AMPH: variants seen among roughly 807,000 people sequenced by gnomAD.
AMPH encodes the protein amphiphysin (Stiff-Mann syndrome with breast cancer 128kD autoantigen).
AMPH carries 49 observed loss-of-function variants against 99.1 expected under a neutral mutation model. The observed-to-expected ratio is 0.49, with a 90% confidence interval of 0.39 to 0.63. AMPH has a LOEUF of 0.63. AMPH is among the 20% of genes least tolerant of loss of function. The pLI, the probability that AMPH is intolerant of heterozygous loss-of-function variation, is 0.00. For missense variants in AMPH, 759 were observed against 863.4 expected, an observed-to-expected ratio of 0.88 and a Z score of 1.52; for synonymous variants, 314 against 317.3, an observed-to-expected ratio of 0.99 and a Z score of 0.11.
intron 16 of AMPH, among the ~76,000 whole-genome samples, chr7:38,421,551 A>G (rs1785582022): frequency 6.6e-6 from 1 of 152,246 alleles, no homozygotes; most frequent in African/African-American, 2.4e-5. Flanking sequence ...TGTCTTTGCA[A>G]ATATATCAAA....
intron 1 of AMPH, among the ~76,000 whole-genome samples, chr7:38,566,409 A>T (rs1791745491): frequency 6.6e-6 from 1 of 152,072 alleles, no homozygotes; most frequent in African/African-American, 2.4e-5. Context: ...GTCATTAGTT[A>T]TTAAAATATG....
At chr7:38,614,767 C>T (rs1793815845) in intron 1 of AMPH, among the ~76,000 whole-genome samples, 1 of 152,168 alleles carries the variant, frequency 6.6e-6, no homozygotes, top group African/African-American at 2.4e-5. Context: ...GCCTCTTTCC[C>T]AGATCCCACA....
intron 1 of AMPH, among the ~76,000 whole-genome samples, chr7:38,537,726 C>T (rs1790667598): frequency 1.3e-5 from 2 of 152,166 alleles, no homozygotes; most frequent in South Asian, 2.1e-4. Flanking sequence ...AAGCATCTAA[C>T]GTAATCTCAG....
chr7:38,586,563 C>CAT (rs56787018), intron 1 of AMPH, among the ~76,000 whole-genome samples: 19 of 151,658 alleles, frequency 1.3e-4, no homozygotes, highest in Admixed American at 2.6e-4. Flanking sequence ...GATCTTTTCT[C>CAT]ATATATATAT....
intron 1 of AMPH, among the ~76,000 whole-genome samples, chr7:38,586,114 T>C (rs1301185650): frequency 6.6e-6 from 1 of 152,204 alleles, no homozygotes; most frequent in African/African-American, 2.4e-5. Flanking sequence ...AACTAAAATA[T>C]GCCTGGACTT....
intron 13 of AMPH, 141 bp from the exon 14 acceptor site, chr7:38,430,006 T>G (rs1055911428): frequency 6.5e-6 from 5 of 768,360 alleles, no homozygotes; most frequent in African/African-American, 3.6e-5. Context: ...CAACTTGTTT[T>G]GTGATAGGAA....
intron 1 of AMPH, among the ~76,000 whole-genome samples, chr7:38,576,152 C>T (rs763945205): frequency 2.0e-5 from 3 of 152,190 alleles, no homozygotes; most frequent in South Asian, 4.1e-4. Flanking sequence ...CAAACACCTT[C>T]GCAACATGCC....
At chr7:38,590,718 G>A (rs951055365) in intron 1 of AMPH, among the ~76,000 whole-genome samples, 13 of 152,042 alleles carry the variant, frequency 8.6e-5, no homozygotes, top group African/African-American at 9.7e-5. Flanking sequence ...AGGTGGGTGC[G>A]GTCACCTTCC....
intron 1 of AMPH, among the ~76,000 whole-genome samples, chr7:38,551,831 G>A (rs1342822912): frequency 6.6e-6 from 1 of 152,156 alleles, no homozygotes; most frequent in Non-Finnish European, 1.5e-5. Context: ...TAGAAAATTG[G>A]AAAAGTAAAG....
chr7:38,390,739 T>A (rs1366692007), intron 19 of AMPH, among the ~76,000 whole-genome samples: 1 of 152,118 alleles, frequency 6.6e-6, no homozygotes, highest in Non-Finnish European at 1.5e-5. Flanking sequence ...CTACAGTTAG[T>A]GAGGAGGCCA....
At chr7:38,406,039 T>A (rs1178597581) in intron 17 of AMPH, among the ~76,000 whole-genome samples, 1 of 152,178 alleles carries the variant, frequency 6.6e-6, no homozygotes, top group African/African-American at 2.4e-5. Flanking sequence ...CACAGTGGAA[T>A]AAAATTAGAA....
chr7:38,412,279 A>G (rs2128985024), intron 17 of AMPH, among the ~76,000 whole-genome samples: 1 of 152,394 alleles, frequency 6.6e-6, no homozygotes, highest in Non-Finnish European at 1.5e-5. Flanking sequence ...AGTAATACTT[A>G]AAAGTCACTG....
chr7:38,397,937 A>C (rs1468540175), intron 17 of AMPH, among the ~76,000 whole-genome samples: 1 of 152,170 alleles, frequency 6.6e-6, no homozygotes, highest in Non-Finnish European at 1.5e-5. Context: ...AGAGAAATGC[A>C]AATCGAAACT....
intron 5 of AMPH, among the ~76,000 whole-genome samples, chr7:38,478,129 T>C (rs1788154784): frequency 6.6e-6 from 1 of 151,704 alleles, no homozygotes; most frequent in African/African-American, 2.4e-5. Flanking sequence ...CACTACAAGC[T>C]ATAACACTAA....
chr7:38,417,855 A>G lies in AMPH; in HGVS notation c.1368T>C (p.Thr456=), dbSNP rs760060401. The part of the protein sequence containing the change: ...PAVGLDLGMD[T]RAEEPVEEAV... ...CCTCCTCCACTGGCTCCTCAGCCCG[A>G]GTGTCCATTCCAAGGTCCAGACCAA... The change falls in exon 17 of 21, where the codon ACT becomes ACC. Residue 456 remains threonine (T), a synonymous_variant. Coordinates refer to ENST00000356264, the MANE Select transcript of AMPH (RefSeq NM_001635.4). The G allele has an allele frequency of 1.8e-5, 29 of 1,614,068 alleles. 1 individual carries two copies. In the South Asian group the frequency reaches 3.1e-4, roughly 17 times the overall value.
intron 1 of AMPH, among the ~76,000 whole-genome samples, chr7:38,552,314 C>T (rs1257605452): frequency 6.6e-6 from 1 of 152,210 alleles, no homozygotes; most frequent in African/African-American, 2.4e-5. Flanking sequence ...TAAGGACCAG[C>T]TGGCAGGCTT....
intron 1 of AMPH, among the ~76,000 whole-genome samples, chr7:38,603,756 G>A (rs1189775120): frequency 6.6e-6 from 1 of 152,162 alleles, no homozygotes; most frequent in Non-Finnish European, 1.5e-5. Flanking sequence ...AGCCCTCCCT[G>A]CTCATGCAGT....
intron 1 of AMPH, among the ~76,000 whole-genome samples, chr7:38,628,262 G>C (rs1164841487): frequency 6.6e-6 from 1 of 152,194 alleles, no homozygotes; most frequent in Non-Finnish European, 1.5e-5. Flanking sequence ...GCTAAACATT[G>C]TTTTAAATTT....
chr7:38,578,444 T>A lies in AMPH; in HGVS notation c.70-43433A>T, dbSNP rs1037500819. On this transcript the variant is annotated intron_variant, in intron 1 of 20. Transcript: ENST00000356264. ...TTATCATATTAGATTTTAACGAAAA[T>A]TTTTTTTAAATATTGCATCATTTAA... Among the ~76,000 whole-genome samples, 7 of 133,626 alleles carry A rather than the reference T, an allele frequency of 5.2e-5. No homozygotes were observed. In the East Asian group the frequency reaches 9.9e-4, roughly 19 times the overall value. The allele number at this position is 133,626 out of a possible 152,430, so 87.7% of individuals were successfully genotyped here. A position where few individuals can be genotyped will look rare whatever the true frequency, so the allele number is the denominator to read the frequency against.
Sources: allele counts gnomAD v4.1 joint callset (sites outside exome capture counted in the v4.1 genomes callset), GRCh38; gene constraint gnomAD v4.1.1; transcripts MANE v1.5; gene names NCBI Gene and HGNC (gene_info 2026-07-23, HGNC 2026-07-21).